The following PFKFB2 variants were observed in gnomAD, a reference collection of about 807,000 sequenced individuals.
PFKFB2 encodes 6-phosphofructo-2-kinase/fructose-2,6-biphosphatase 2, also known as 6-phosphofructo-2-kinase/fructose-2,6-bisphosphatase 2.
In PFKFB2, 53 loss-of-function variants were observed where a neutral mutation model predicts 68.0. The ratio of observed to expected loss-of-function variants is 0.78; its 90% CI spans 0.63 to 0.98. PFKFB2 has a LOEUF of 0.98. Ranked by LOEUF, PFKFB2 falls within the 50% of genes least tolerant of loss-of-function variation. The pLI is 0.00. For missense variants in PFKFB2, 451 were observed against 642.0 expected (o/e 0.70, Z 3.22); for synonymous variants, 222 against 227.6 (o/e 0.98, Z 0.22).
chr1:207,071,106 C>A, intron 12 of PFKFB2, 82 bp from the exon 13 acceptor site: 1 of 1,097,540 alleles, frequency 9.1e-7, no homozygotes, highest in Non-Finnish European at 1.4e-6. Context: ...TCATTATGAG[C>A]TCTGTAGATT....
chr1:207,039,093 A>C (rs546799142), intron 1 of PFKFB2, among the ~76,000 whole-genome samples: 42 of 152,332 alleles, frequency 2.8e-4, no homozygotes, highest in African/African-American at 9.9e-4. Flanking sequence ...TAAGAAAAAC[A>C]AGGCTAGATC....
upstream of PFKFB2, chr1:207,051,004 A>G: frequency 2.6e-6 from 4 of 1,525,390 alleles, no homozygotes; most frequent in Non-Finnish European, 3.5e-6. Context: ...GGACTCCAAA[A>G]TGGCGACCTT....
intron 2 of PFKFB2, among the ~76,000 whole-genome samples, chr1:207,058,478 A>G (rs1416249012): frequency 6.6e-6 from 1 of 152,228 alleles, no homozygotes; most frequent in East Asian, 1.9e-4. Context: ...TGAGATCAGG[A>G]GACTGGTCAG....
chr1:207,067,453 C>T (rs1437835430), intron 8 of PFKFB2, 46 bp from the exon 9 acceptor site: 6 of 1,359,234 alleles, frequency 4.4e-6, no homozygotes, highest in African/African-American at 1.4e-5. Flanking sequence ...TTCTTATTCT[C>T]AGATCTTCTT....
At chr1:207,067,368 C>T (rs980884010) in intron 8 of PFKFB2, 131 bp from the exon 9 acceptor site, 12 of 638,932 alleles carry the variant, frequency 1.9e-5, no homozygotes, top group Non-Finnish European at 3.0e-5. Flanking sequence ...GTTCCATAAA[C>T]GTGGGTGTGA....
chr1:207,080,932 T>C (rs7533742), downstream of PFKFB2: 2 of 152,158 alleles, frequency 1.3e-5, no homozygotes, highest in Non-Finnish European at 2.9e-5. Flanking sequence ...GGAGAAGTGT[T>C]TATCTCCTGG....
intron 2 of PFKFB2, chr1:207,044,926 AC>A (rs1300726106): frequency 6.6e-6 from 1 of 152,536 alleles, no homozygotes; most frequent in Non-Finnish European, 1.5e-5. Context: ...TTTAAGTCAA[AC>A]ATTCAAAGCA....
In PFKFB2 at chr1:207,040,923, A is replaced by ATTT. The variant is rs397862660; in HGVS notation, c.-61-1226_-61-1224dup. 3.3e-3 allele frequency among the ~76,000 whole-genome samples: 393 copies of ATTT among 117,320 alleles called. 5 individuals are homozygous for ATTT. Among genetic ancestry groups the ATTT allele is most frequent in the African/African-American group, 7.1e-3 (211 of 29,826 alleles). 77.0% of individuals were successfully genotyped at this position (117,320 alleles called of 152,430 possible). The stretch of plus-strand genomic sequence containing the variant: ...TAGTTATAACTAGCATTTAAAACAG[A>ATTT]TTTTTTTTTTTTTTTTTTTTTTGAG... On this transcript the variant is annotated intron_variant, in intron 1 of 5. Transcript: ENST00000545806.
At chr1:207,062,168 T>A in intron 3 of PFKFB2, 90 bp downstream of exon 3, 2 of 1,546,778 alleles carry the variant, frequency 1.3e-6, no homozygotes, top group South Asian at 2.3e-5. Flanking sequence ...GCATCAATGC[T>A]ATAGGGTGCT....
chr1:207,048,268 G>C (rs1421837238), intron 2 of PFKFB2: 1 of 152,596 alleles, frequency 6.6e-6, no homozygotes, highest in Non-Finnish European at 1.5e-5. Flanking sequence ...TACATTCTAC[G>C]TTTTATATGC....
chr1:207,075,267 T>G lies in PFKFB2; in HGVS notation c.*2896T>G, dbSNP rs1182207956. ...CACTCTCACCTGTGCTAGTTCGCTT[T>G]CTCCAGAAGAGGAGCTGAGGTGGTC... On this transcript the variant is annotated 3_prime_UTR_variant, in exon 15 of 15. Transcript: ENST00000367080. 1.0e-6 allele frequency: 1 copy of G among 985,310 alleles called. No individual in the cohort carries two copies. The highest frequency in any genetic ancestry group is 1.2e-6 in the Non-Finnish European group (1 of 829,940). The allele number at this position is 985,310 out of a possible 1,614,324, so 61.0% of individuals were successfully genotyped here.
chr1:207,061,981 G>A lies in PFKFB2; in HGVS notation c.114G>A (p.Pro38=), dbSNP rs750827022. The change falls in exon 3 of 15, where the codon CCG becomes CCA. Residue 38 remains proline, a synonymous_variant. Coordinates refer to ENST00000367080, the MANE Select transcript of PFKFB2 (RefSeq NM_006212.2). The stretch of plus-strand genomic sequence containing the variant: ...GGGCCTCCTACATGACCAACTCCCC[G>A]ACTCTGATCGTTATGATTGGTTTGC... ...CSWASYMTNS[P]TLIVMIGLPA... is the part of the protein sequence containing the mutation. 3.7e-5 allele frequency: 59 copies of A among 1,613,992 alleles called. No homozygotes were observed. The highest frequency in any genetic ancestry group is 1.6e-4 in the Middle Eastern group (1 of 6,084).
chr1:207,038,149 A>G (rs747774533), intron 1 of PFKFB2, among the ~76,000 whole-genome samples: 1 of 152,228 alleles, frequency 6.6e-6, no homozygotes, highest in Non-Finnish European at 1.5e-5. Context: ...ATCTTAGGAT[A>G]ACTTTATTCC....
rs1391516318 is a variant in PFKFB2 at position 207,067,490 on chromosome 1, C to G, written c.633-9C>G. 1 of 1,593,272 alleles carries G rather than the reference C, an allele frequency of 6.3e-7. No individual in the cohort carries two copies. Among genetic ancestry groups the G allele is most frequent in the Non-Finnish European group, 8.5e-7 (1 of 1,170,342 alleles). ...CCTAGGGAATTTTTTTTTTCCTTTC[C>G]TGTCCCAGGGATCTTTCTTTCATCA... is the stretch of plus-strand genomic sequence containing the variant. On this transcript the variant is annotated splice_polypyrimidine_tract_variant and intron_variant, in intron 8 of 14. Coordinates refer to ENST00000367080, the MANE Select transcript of PFKFB2 (RefSeq NM_006212.2).
At chr1:207,047,120 G>A (rs1037607810) in intron 2 of PFKFB2, 2 of 152,520 alleles carry the variant, frequency 1.3e-5, no homozygotes, top group African/African-American at 2.4e-5. Context: ...ATGAGAGTCA[G>A]GTGTGGAGAG....
upstream of PFKFB2, chr1:207,051,138 C>A (rs1291230256): frequency 2.1e-6 from 3 of 1,422,366 alleles, no homozygotes; most frequent in Non-Finnish European, 1.8e-6. Flanking sequence ...ATTTTTCCCC[C>A]ACCCTCAGAA....
chr1:207,063,332 G>A lies in PFKFB2; in HGVS notation c.376-15G>A. On this transcript the variant is annotated splice_polypyrimidine_tract_variant and intron_variant, in intron 5 of 14. Transcript: ENST00000367080. This position sits in a 1 kb window ranked among gnomAD's most constrained non-coding sequence, Gnocchi z 4.1. Reference sequence around the variant, plus strand: ...CTCTGTTCCTGCTCATTTACCTTGTGTACTTTCTTCACAGGTGTTTGATGC... The same window carrying A: ...CTCTGTTCCTGCTCATTTACCTTGTATACTTTCTTCACAGGTGTTTGATGC... 1 of 1,608,444 alleles carries A rather than the reference G, an allele frequency of 6.2e-7. No homozygotes were observed.
In PFKFB2 at chr1:207,065,021, T is replaced by C. The variant is rs1171990372; in HGVS notation, c.508-15T>C. 1 of 1,613,220 alleles carries C rather than the reference T, an allele frequency of 6.2e-7. No individual in the cohort carries two copies. The highest frequency in any genetic ancestry group is 1.7e-5 in the Admixed American group (1 of 59,962). ...AGACCTCTGATGAGGCCTTTACTGG[T>C]TCCTATGATTTCAGGAGGTTAAGGT... On this transcript the variant is annotated splice_polypyrimidine_tract_variant and intron_variant, in intron 7 of 14. Transcript: ENST00000367080.
rs1448813237 is a variant in PFKFB2 at position 207,070,256 on chromosome 1, A to AGCCT, written c.1093-20_1093-17dup. On this transcript the variant is annotated intron_variant, in intron 11 of 14. Coordinates refer to ENST00000367080, the MANE Select transcript of PFKFB2 (RefSeq NM_006212.2). This position sits in a 1 kb window ranked among gnomAD's most constrained non-coding sequence, Gnocchi z 4.2. Reference sequence around the variant, plus strand: ...GCCAGCTTGCACCTGGGCTCCTGCCAGCCTGCCCCATTTCCCTCCACAGTC... The same window carrying AGCCT: ...GCCAGCTTGCACCTGGGCTCCTGCCAGCCTGCCTGCCCCATTTCCCTCCACAGTC... The AGCCT allele has an allele frequency of 6.2e-7, 1 of 1,612,036 alleles. No homozygotes were observed. The highest frequency in any genetic ancestry group is 8.5e-7 in the Non-Finnish European group (1 of 1,179,688).
Sources: gnomAD v4.1 joint callset for allele counts (sites outside exome capture counted in the v4.1 genomes callset) on GRCh38, gnomAD v4.1.1 for gene constraint, Gnocchi (gnomAD v3.1) non-coding constraint, MANE v1.5 for transcripts, NCBI Gene and HGNC (gene_info 2026-07-23, HGNC 2026-07-21) for gene names.